The following C17orf107 variants were observed in gnomAD, a reference collection of about 807,000 sequenced individuals.
C17orf107 encodes the protein uncharacterized protein C17orf107.
A neutral mutation model predicts 8.9 loss-of-function variants in C17orf107; 9 were observed. That is an observed-to-expected ratio of 1.02 (90% CI 0.61 to 1.77). C17orf107 has a LOEUF of 1.77. Ranked by LOEUF, C17orf107 falls within the 40% of genes most tolerant of loss-of-function variation. C17orf107 has a pLI of 0.00. For synonymous variants in C17orf107, 139 were observed against 120.3 expected (o/e 1.16, Z -1.02); for missense variants, 281 against 249.0 (o/e 1.13, Z -0.86).
At chr17:4,900,179 T>G in intron 2 of C17orf107, 34 bp downstream of exon 2, 1 of 1,544,948 alleles carries the variant, frequency 6.5e-7, no homozygotes, top group South Asian at 1.2e-5. Context: ...TACGCGGCGA[T>G]CGGGTAGCGG....
chr17:4,899,732 C>T lies in C17orf107; in HGVS notation c.-31C>T. 1 of 1,543,346 alleles carries T rather than the reference C, an allele frequency of 6.5e-7. No homozygotes were observed. Among genetic ancestry groups the T allele is most frequent in the Non-Finnish European group, 8.8e-7 (1 of 1,139,764 alleles). ...ACACGACGACAGACGCGTCCCCCAG[C>T]CCTTCTCCTGTCCTACCACTTGTGG... On this transcript the variant is annotated 5_prime_UTR_variant, in exon 1 of 3. Transcript: ENST00000381365.
In C17orf107 at chr17:4,901,160, G is replaced by T. The variant is rs773916039; in HGVS notation, c.*627G>T. The T allele has an allele frequency of 9.3e-6, 15 of 1,609,194 alleles. No homozygotes were observed. Among genetic ancestry groups the T allele is most frequent in the Middle Eastern group, 1.7e-4 (1 of 6,060 alleles). On this transcript the variant is annotated 3_prime_UTR_variant, in exon 3 of 3. Coordinates refer to ENST00000381365, the MANE Select transcript of C17orf107 (RefSeq NM_001145536.2). Reference sequence around the variant, plus strand: ...ACCGTGGTGGCGGCGGATCACCCCCGGGCAGAAGTCGATGGCCCACTCGCC... The same window carrying T: ...ACCGTGGTGGCGGCGGATCACCCCCTGGCAGAAGTCGATGGCCCACTCGCC...
downstream of C17orf107, among the ~76,000 whole-genome samples, chr17:4,905,272 G>C (rs574910921): frequency 5.9e-5 from 9 of 152,314 alleles, no homozygotes; most frequent in East Asian, 1.7e-3. Context: ...GTTTTGGCCA[G>C]GCACAGTGGC....
At position 4,900,161 on chromosome 17, in the gene C17orf107, G is replaced by A. The variant is rs1597617287; in HGVS notation, c.276+16G>A. ...CTTGTTAGAGGTGGGGTACTGGGGG[G>A]CTTAGGATACGCGGCGATCGGGTAG... On this transcript the variant is annotated intron_variant, in intron 2 of 2. Coordinates refer to ENST00000381365, the MANE Select transcript of C17orf107 (RefSeq NM_001145536.2). The A allele has an allele frequency of 6.5e-7, 1 of 1,547,510 alleles. No homozygotes were observed.
At position 4,900,413 on chromosome 17, in the gene C17orf107, A is replaced by G. The variant is rs1188413458; in HGVS notation, c.453A>G (p.Ala151=). ...GASARLLVQG[A]WLCLCGRGLQ... ...GCGCCCGGCTCCTAGTCCAGGGAGC[A>G]TGGCTATGCCTGTGTGGACGGGGTC... is the stretch of plus-strand genomic sequence containing the variant. The change falls in exon 3 of 3, where the codon GCA becomes GCG. Residue 151 remains alanine (A), a synonymous_variant. Transcript: ENST00000381365. The G allele has an allele frequency of 1.3e-6, 2 of 1,550,806 alleles. No individual in the cohort carries two copies. The highest frequency in any genetic ancestry group is 2.7e-5 in the African/African-American group (2 of 73,074).
At position 4,900,446 on chromosome 17, in the gene C17orf107, G is replaced by A. The variant is rs1175315685; in HGVS notation, c.486G>A (p.Gly162=). 1.7e-5 allele frequency: 27 copies of A among 1,551,112 alleles called. No homozygotes were observed. Among genetic ancestry groups the A allele is most frequent in the Non-Finnish European group, 2.4e-5 (27 of 1,146,976 alleles). Residue 162 remains glycine (G), a synonymous_variant, in exon 3 of 3, where the codon GGG becomes GGA. Coordinates refer to ENST00000381365, the MANE Select transcript of C17orf107 (RefSeq NM_001145536.2). Reference sequence around the variant, plus strand: ...GCCTGTGTGGACGGGGTCTGCAGGGGTCTGCCTCATTCCTGCGACAGTCGC... The same window carrying A: ...GCCTGTGTGGACGGGGTCTGCAGGGATCTGCCTCATTCCTGCGACAGTCGC... The part of the protein sequence containing the change: ...WLCLCGRGLQ[G]SASFLRQSQQ...
chr17:4,900,435 G>C lies in C17orf107; in HGVS notation c.475G>C (p.Gly159Arg), dbSNP rs939311285. 2 of 1,550,822 alleles carry C rather than the reference G, an allele frequency of 1.3e-6. No homozygotes were observed. Among genetic ancestry groups the C allele is most frequent in the African/African-American group, 1.4e-5 (1 of 73,072 alleles). The change falls in exon 3 of 3, where the codon GGT (glycine) becomes CGT (arginine). Residue 159 changes from glycine (G) to arginine (R), a missense_variant. By Grantham distance (125) the Gly-to-Arg change is moderately radical. Coordinates refer to ENST00000381365, the MANE Select transcript of C17orf107 (RefSeq NM_001145536.2). The part of the protein sequence containing the change: ...QGAWLCLCGR[G>R]LQGSASFLRQ... ...AGCATGGCTATGCCTGTGTGGACGG[G>C]GTCTGCAGGGGTCTGCCTCATTCCT... is the stretch of plus-strand genomic sequence containing the variant.
At chr17:4,904,843 A>C (rs1970071725), downstream of C17orf107, among the ~76,000 whole-genome samples, 1 of 152,126 alleles carries the variant, frequency 6.6e-6, no homozygotes, top group Non-Finnish European at 1.5e-5. Flanking sequence ...CTCCTAGTCC[A>C]TTTCCCACAC....
Position 4,900,054 on chromosome 17 carries a change from A to C in C17orf107, c.185A>C (p.Gln62Pro). The C allele has an allele frequency of 6.4e-7, 1 of 1,551,300 alleles. No individual in the cohort carries two copies. Among genetic ancestry groups the C allele is most frequent in the Non-Finnish European group, 8.7e-7 (1 of 1,147,002 alleles). ...KSLEPPEPKM[Q>P]GMLPAPKPTL... The stretch of plus-strand genomic sequence containing the variant: ...CTGGAGCCACCCGAACCGAAGATGC[A>C]GGGGATGCTGCCTGCCCCGAAGCCC... Residue 62 changes from glutamine (Q) to proline (P), a missense_variant, in exon 2 of 3, where the codon CAG becomes CCG. Transcript: ENST00000381365.
rs1969973804 is a variant in C17orf107, at chr17:4,901,190, T to G, written c.*657T>G. 6.2e-7 allele frequency: 1 copy of G among 1,602,158 alleles called. No homozygotes were observed. The highest frequency in any genetic ancestry group is 8.5e-7 in the Non-Finnish European group (1 of 1,178,154). On this transcript the variant is annotated 3_prime_UTR_variant, in exon 3 of 3. Coordinates refer to ENST00000381365, the MANE Select transcript of C17orf107 (RefSeq NM_001145536.2). The stretch of plus-strand genomic sequence containing the variant: ...GAAGTCGATGGCCCACTCGCCGTTC[T>G]CTGCGGGACGGGGGCACGGTCAGCT...
chr17:4,899,800 G>C lies in C17orf107; in HGVS notation c.38G>C (p.Trp13Ser), dbSNP rs1175359152. 13 of 1,551,248 alleles carry C rather than the reference G, an allele frequency of 8.4e-6. No homozygotes were observed. The highest frequency in any genetic ancestry group is 2.4e-5 in the East Asian group (1 of 40,898). Residue 13 changes from tryptophan to serine, a missense_variant, in exon 1 of 3, where the codon TGG becomes TCG. Coordinates refer to ENST00000381365, the MANE Select transcript of C17orf107 (RefSeq NM_001145536.2). Reference protein sequence around the residue: ...GTPSSLDTLMWIYHFHSSTEV... With the variant: ...GTPSSLDTLMSIYHFHSSTEV... ...CCCAGCTCCCTGGACACCCTGATGT[G>C]GATCTACCACTTCCACAGCTCCACC... is the stretch of plus-strand genomic sequence containing the variant.
rs897774540 is a variant in C17orf107, at chr17:4,900,458, C to T, written c.498C>T (p.Phe166=). The stretch of plus-strand genomic sequence containing the variant: ...GGGGTCTGCAGGGGTCTGCCTCATT[C>T]CTGCGACAGTCGCAACAGCAGCTAG... ...CGRGLQGSAS[F]LRQSQQQLGL... Residue 166 remains phenylalanine (F), a synonymous_variant, in exon 3 of 3, where the codon TTC becomes TTT. Coordinates refer to ENST00000381365, the MANE Select transcript of C17orf107 (RefSeq NM_001145536.2). 2.6e-6 allele frequency: 4 copies of T among 1,551,004 alleles called. No homozygotes were observed. The African/African-American group carries it at 4.1e-5, about 16-fold the overall frequency.
chr17:4,900,511 G>A lies in C17orf107; in HGVS notation c.551G>A (p.Ser184Asn). 1 of 1,550,898 alleles carries A rather than the reference G, an allele frequency of 6.4e-7. No homozygotes were observed. Among genetic ancestry groups the A allele is most frequent in the Non-Finnish European group, 8.7e-7 (1 of 1,146,980 alleles). Residue 184 changes from serine (S) to asparagine (N), a missense_variant, in exon 3 of 3, where the codon AGC (serine) becomes AAC (asparagine). Coordinates refer to ENST00000381365, the MANE Select transcript of C17orf107 (RefSeq NM_001145536.2). The stretch of plus-strand genomic sequence containing the variant: ...CTCGGAATCCCCGGAGAACCGGTGA[G>A]CTCAGGACACGGGGTGAGTTAGGGG... The part of the protein sequence containing the change: ...LGLGIPGEPV[S>N]SGHGVS
At chr17:4,904,751 T>C (rs540565790), downstream of C17orf107, among the ~76,000 whole-genome samples, 145 of 152,346 alleles carry the variant, frequency 9.5e-4, no homozygotes, top group African/African-American at 3.4e-3. Context: ...TCCATCACCT[T>C]TGGGTCTCCT....
chr17:4,899,711 G>A lies in C17orf107; in HGVS notation c.-52G>A, dbSNP rs1329751485. 6 of 1,515,434 alleles carry A rather than the reference G, an allele frequency of 4.0e-6. No homozygotes were observed. The highest frequency in any genetic ancestry group is 2.4e-5 in the South Asian group (2 of 83,350). 93.9% of individuals were successfully genotyped at this position (1,515,434 alleles called of 1,614,324 possible). A position where few individuals can be genotyped will look rare whatever the true frequency, so the allele number is the denominator to read the frequency against. On this transcript the variant is annotated 5_prime_UTR_variant, in exon 1 of 3. Transcript: ENST00000381365. ...CGCCCTCCAGCTGCGCCCCCTACAC[G>A]ACGACAGACGCGTCCCCCAGCCCTT... is the stretch of plus-strand genomic sequence containing the variant.
rs1317631328 is a variant in C17orf107, at chr17:4,900,129, G to T, written c.260G>T (p.Gly87Val). The change falls in exon 2 of 3, where the codon GGC (glycine) becomes GTC (valine). Residue 87 changes from glycine (G) to valine (V), a missense_variant. Coordinates refer to ENST00000381365, the MANE Select transcript of C17orf107 (RefSeq NM_001145536.2). ...REATASLVSF[G>V]TTLLEISALW... ...GCCACAGCCAGCCTCGTGAGCTTCG[G>T]CACCACCTTGTTAGAGGTGGGGTAC... 2 of 1,550,478 alleles carry T rather than the reference G, an allele frequency of 1.3e-6. No homozygotes were observed. The highest frequency in any genetic ancestry group is 4.9e-5 in the East Asian group (2 of 40,920).
In C17orf107 at chr17:4,901,362, A is replaced by T. The variant is rs1969979228; in HGVS notation, c.*829A>T. The T allele has an allele frequency of 1.1e-6, 1 of 933,472 alleles. No individual in the cohort carries two copies. Among genetic ancestry groups the T allele is most frequent in the African/African-American group, 1.6e-5 (1 of 61,580 alleles). The allele number at this position is 933,472 out of a possible 1,614,324, so 57.8% of individuals were successfully genotyped here. A position where few individuals can be genotyped will look rare whatever the true frequency, so the allele number is the denominator to read the frequency against. On this transcript the variant is annotated 3_prime_UTR_variant, in exon 3 of 3. Coordinates refer to ENST00000381365, the MANE Select transcript of C17orf107 (RefSeq NM_001145536.2). ...TTGAGGGTATGGAAAGCCAGAAGGC[A>T]GGACTAGAGTAACAATCGAGAATGA... is the stretch of plus-strand genomic sequence containing the variant.
Position 4,901,328 on chromosome 17 carries a change from G to C in C17orf107, c.*795G>C, listed in dbSNP as rs1010397980. ...TGGGGGCAATTACGGACAGAAAAGG[G>C]CATTCTCGTTGAGGGTATGGAAAGC... On this transcript the variant is annotated 3_prime_UTR_variant, in exon 3 of 3. Transcript: ENST00000381365. 1.9e-6 allele frequency: 2 copies of C among 1,035,820 alleles called. No homozygotes were observed. The highest frequency in any genetic ancestry group is 1.5e-6 in the Non-Finnish European group (1 of 689,518). 64.2% of individuals were successfully genotyped at this position (1,035,820 alleles called of 1,614,324 possible). A position where few individuals can be genotyped will look rare whatever the true frequency, so the allele number is the denominator to read the frequency against.
Position 4,901,966 on chromosome 17 carries a change from G to C in C17orf107, c.*1433G>C. 1.2e-6 allele frequency: 2 copies of C among 1,614,138 alleles called. No homozygotes were observed. Among genetic ancestry groups the C allele is most frequent in the Non-Finnish European group, 1.7e-6 (2 of 1,180,032 alleles). The stretch of plus-strand genomic sequence containing the variant: ...AGCGAACAGTTCTGCCAATCGAAGG[G>C]GAAGTAGGTGACCTCCACTGCGCAG... On this transcript the variant is annotated 3_prime_UTR_variant, in exon 3 of 3. Coordinates refer to ENST00000381365, the MANE Select transcript of C17orf107 (RefSeq NM_001145536.2).
Sources: allele counts gnomAD v4.1 joint callset (sites outside exome capture counted in the v4.1 genomes callset), GRCh38; gene constraint gnomAD v4.1.1; transcripts MANE v1.5; gene names NCBI Gene and HGNC (gene_info 2026-07-23, HGNC 2026-07-21).